The following REXO5 variants were observed in gnomAD, a reference collection of about 807,000 sequenced individuals.
REXO5 encodes the protein RNA exonuclease 5, also known as exonuclease NEF-sp.
REXO5 carries 48 observed loss-of-function variants against 88.5 expected under a neutral mutation model. The ratio of observed to expected loss-of-function variants is 0.54; its 90% CI spans 0.43 to 0.69. The LOEUF (loss-of-function observed/expected upper bound fraction) is 0.69. Ranked by LOEUF, REXO5 falls within the 30% of genes least tolerant of loss-of-function variation. REXO5 has a pLI of 0.00. For missense variants in REXO5, 749 were observed against 912.2 expected (o/e 0.82, Z 2.30); for synonymous variants, 311 against 336.5 (o/e 0.92, Z 0.83).
chr16:20,821,882 C>T lies in REXO5; in HGVS notation c.596C>T (p.Thr199Met), dbSNP rs746581390. The part of the protein sequence containing the change: ...RCLLTKEEMR[T>M]FHFPLQGFPD... ...CTTCTGACAAAGGAGGAAATGAGAA[C>T]GTTTCACTTTCCATTACAAGGTTGG... The change falls in exon 6 of 20, where the codon ACG becomes ATG. Residue 199 changes from threonine (T) to methionine (M), a missense_variant. Transcript: ENST00000261377. 10 of 1,585,448 alleles carry T rather than the reference C, an allele frequency of 6.3e-6. No individual in the cohort carries two copies. Among genetic ancestry groups the T allele is most frequent in the Admixed American group, 5.7e-5 (3 of 52,398 alleles).
chr16:20,815,096 C>T (rs771234568), intron 4 of REXO5, 43 bp downstream of exon 4: 2 of 1,584,856 alleles, frequency 1.3e-6, no homozygotes, highest in Non-Finnish European at 1.7e-6. Context: ...GTCTGTTTTC[C>T]CATTCTGAGA....
intron 7 of REXO5, 89 bp downstream of exon 7, chr16:20,824,616 G>A (rs1043358173): frequency 3.2e-5 from 25 of 782,328 alleles, no homozygotes; most frequent in Non-Finnish European, 4.4e-5. Flanking sequence ...ACTAATGAAC[G>A]AATACATTCA....
chr16:20,827,126 T>C lies in REXO5; in HGVS notation c.890T>C (p.Leu297Ser). The stretch of plus-strand genomic sequence containing the variant: ...AAACTCAAAGATGTACAGAGGCAGT[T>C]AAAAGCACTGCTTCCTCCTGATGCT... Reference protein sequence around the residue: ...TTKLKDVQRQLKALLPPDAVL... With the variant: ...TTKLKDVQRQSKALLPPDAVL... The change falls in exon 9 of 20, where the codon TTA becomes TCA. Residue 297 changes from leucine to serine, a missense_variant. Transcript: ENST00000261377. 1 of 1,614,134 alleles carries C rather than the reference T, an allele frequency of 6.2e-7. No homozygotes were observed. The highest frequency in any genetic ancestry group is 1.1e-5 in the South Asian group (1 of 91,082).
At chr16:20,828,622 C>A in intron 11 of REXO5, 85 bp downstream of exon 11, 1 of 968,458 alleles carries the variant, frequency 1.0e-6, no homozygotes, top group Non-Finnish European at 1.6e-6. Context: ...CTCCTATTAT[C>A]TATTTTTATG....
chr16:20,825,809 C>G (rs372397157), intron 7 of REXO5, 24 bp from the exon 8 acceptor site: 28 of 1,523,426 alleles, frequency 1.8e-5, no homozygotes, highest in African/African-American at 4.1e-5. Context: ...AGTTCAGCAG[C>G]CTGACTACAT....
chr16:20,820,545 T>TATATATATATA (rs1491420198), intron 5 of REXO5, among the ~76,000 whole-genome samples: 24 of 12,360 alleles, frequency 1.9e-3, no homozygotes, highest in African/African-American at 3.9e-3. Flanking sequence ...TATATATATA[T>TATATATATATA]TTTTTTTTTT....
chr16:20,818,416 T>C (rs1362091164), intron 5 of REXO5, among the ~76,000 whole-genome samples: 1 of 152,186 alleles, frequency 6.6e-6, no homozygotes, highest in Non-Finnish European at 1.5e-5. Context: ...GTTTTTCATG[T>C]ATGTTTTATA....
chr16:20,843,871 C>A, intron 15 of REXO5, 63 bp from the exon 16 acceptor site: 1 of 1,205,112 alleles, frequency 8.3e-7, no homozygotes. Context: ...ATCCTTTCCC[C>A]AACCCCTTCT....
chr16:20,838,160 A>G (rs1046437856), intron 13 of REXO5, among the ~76,000 whole-genome samples: 2 of 152,092 alleles, frequency 1.3e-5, no homozygotes, highest in South Asian at 4.1e-4. Flanking sequence ...ATTCAAGAGC[A>G]TCTCTTTTAT....
At chr16:20,806,758 G>T in intron 1 of REXO5, 53 bp downstream of exon 1, 1 of 1,046,060 alleles carries the variant, frequency 9.6e-7, no homozygotes, top group Non-Finnish European at 1.4e-6. Context: ...CGGGTGTCCA[G>T]TCCGCGGAAC....
Position 20,814,047 on chromosome 16 carries a change from A to G in REXO5, c.251+745A>G, listed in dbSNP as rs114477980. Among the ~76,000 whole-genome samples the G allele has an allele frequency of 6.7e-3, 1,012 of 151,782 alleles. 18 individuals carry two copies. The highest frequency in any genetic ancestry group is 0.023 in the African/African-American group (952 of 41,380). ...AGCTACTTCGAGAACTGTCTTCTCC[A>G]TCAACAATTACAGCCATCAGTCTGT... is the stretch of plus-strand genomic sequence containing the variant. On this transcript the variant is annotated intron_variant, in intron 3 of 19. Transcript: ENST00000261377.
At chr16:20,818,618 G>T (rs2081117640) in intron 5 of REXO5, among the ~76,000 whole-genome samples, 2 of 152,056 alleles carry the variant, frequency 1.3e-5, no homozygotes, top group Admixed American at 1.3e-4. Flanking sequence ...CTACAGGCGT[G>T]CACCACCATA....
intron 10 of REXO5, among the ~76,000 whole-genome samples, chr16:20,827,832 G>C (rs2081282137): frequency 3.3e-5 from 5 of 152,100 alleles, no homozygotes; most frequent in Admixed American, 2.6e-4. Flanking sequence ...CTAGAAGTCT[G>C]GTTGAGTAAA....
intron 14 of REXO5, 54 bp downstream of exon 14, chr16:20,839,913 C>T (rs976669660): frequency 3.6e-6 from 4 of 1,097,952 alleles, no homozygotes; most frequent in Middle Eastern, 4.2e-4. Flanking sequence ...TATAACCTCT[C>T]ATCATTAAGG....
At chr16:20,814,812 T>A (rs2081055771) in intron 3 of REXO5, 115 bp from the exon 4 acceptor site, 1 of 1,019,976 alleles carries the variant, frequency 9.8e-7, no homozygotes, top group South Asian at 2.1e-5. Flanking sequence ...GGTGATAAAT[T>A]CTATTAACTC....
intron 3 of REXO5, among the ~76,000 whole-genome samples, chr16:20,814,522 G>C (rs541258064): frequency 6.6e-6 from 1 of 152,200 alleles, no homozygotes; most frequent in Non-Finnish European, 1.5e-5. Flanking sequence ...GATTACAGGC[G>C]TGAGTCACCG....
At chr16:20,836,572 C>CA (rs1177691904) in intron 13 of REXO5, among the ~76,000 whole-genome samples, 25 of 152,182 alleles carry the variant, frequency 1.6e-4, no homozygotes, top group South Asian at 2.1e-4. Context: ...CAATTATGGA[C>CA]AAAGTTGCTA....
chr16:20,829,500 A>C (rs2081308731), intron 11 of REXO5, among the ~76,000 whole-genome samples: 1 of 152,214 alleles, frequency 6.6e-6, no homozygotes, highest in African/African-American at 2.4e-5. Flanking sequence ...AGTACATTCC[A>C]TCATGACTCC....
intron 6 of REXO5, among the ~76,000 whole-genome samples, chr16:20,823,164 T>G (rs2081210886): frequency 6.6e-6 from 1 of 152,248 alleles, no homozygotes. Flanking sequence ...CACATGCTTA[T>G]TAGTCATTTG....
Sources: gnomAD v4.1 joint callset for allele counts (sites outside exome capture counted in the v4.1 genomes callset) on GRCh38, gnomAD v4.1.1 for gene constraint, MANE v1.5 for transcripts, NCBI Gene and HGNC (gene_info 2026-07-23, HGNC 2026-07-21) for gene names.